Variants in KMT2E observed in about 807,000 individuals in gnomAD.
KMT2E encodes lysine methyltransferase 2E (inactive), also known as histone reader KMT2E.
In KMT2E, 30 loss-of-function variants were observed where a neutral mutation model predicts 184.6. That is an observed-to-expected ratio of 0.16 (90% CI 0.12 to 0.22). The LOEUF is 0.22. KMT2E is among the 10% of genes least tolerant of loss of function. KMT2E has a pLI of 1.00. For missense variants in KMT2E, 2,023 were observed against 2,237.4 expected (o/e 0.90, Z 1.93); for synonymous variants, 815 against 776.5 (o/e 1.05, Z -0.82).
At chr7:105,110,411 T>A in intron 24 of KMT2E, 43 bp downstream of exon 24, 1 of 1,613,826 alleles carries the variant, frequency 6.2e-7, no homozygotes, top group Non-Finnish European at 8.5e-7. Context: ...AATCAGTTAA[T>A]CACTCTGCAT....
Position 105,113,457 on chromosome 7 carries a change from T to C in KMT2E, c.*124T>C. The C allele has an allele frequency of 9.3e-7, 1 of 1,079,208 alleles. No individual in the cohort carries two copies. Among genetic ancestry groups the C allele is most frequent in the Non-Finnish European group, 1.3e-6 (1 of 786,974 alleles). The allele number at this position is 1,079,208 out of a possible 1,614,324, so 66.9% of individuals were successfully genotyped here. Reference sequence around the variant, plus strand: ...TTGTATAAAAAACACCAGTGCTCTTTCGTTGTATTTTTCTCATTTTTGCTT... The same window carrying C: ...TTGTATAAAAAACACCAGTGCTCTTCCGTTGTATTTTTCTCATTTTTGCTT... On this transcript the variant is annotated 3_prime_UTR_variant, in exon 27 of 27. Transcript: ENST00000311117.
At chr7:105,060,354 C>T (rs1562898572) in intron 3 of KMT2E, among the ~76,000 whole-genome samples, 2 of 151,884 alleles carry the variant, frequency 1.3e-5, no homozygotes, top group East Asian at 3.9e-4. Flanking sequence ...ATGGTGGTCC[C>T]ATAAGATTAT....
At chr7:105,026,986 A>G (rs1333243975) in intron 1 of KMT2E, among the ~76,000 whole-genome samples, 1 of 152,052 alleles carries the variant, frequency 6.6e-6, no homozygotes, top group African/African-American at 2.4e-5. Context: ...TCATGCTTAA[A>G]TGGTTTTTAT....
intron 1 of KMT2E, among the ~76,000 whole-genome samples, chr7:105,036,169 C>A (rs556596161): frequency 7.1e-6 from 1 of 141,492 alleles, no homozygotes; most frequent in Non-Finnish European, 1.5e-5. Flanking sequence ...TGTTGTTGTT[C>A]TTTTGGTTTT....
chr7:105,098,780 A>G (rs930826610), intron 15 of KMT2E, among the ~76,000 whole-genome samples: 68 of 152,150 alleles, frequency 4.5e-4, no homozygotes, highest in African/African-American at 1.6e-3. Context: ...GGAAATTACA[A>G]TGCTTGGTAT....
rs141451095 is a variant in KMT2E at position 105,031,764 on chromosome 7, A to T, written c.-188-6362A>T. On this transcript the variant is annotated intron_variant, in intron 1 of 26. Coordinates refer to ENST00000311117, the MANE Select transcript of KMT2E (RefSeq NM_182931.3). ...GAAACTGTCTCAAAAATAAATAAAT[A>T]AATTAAATAAATAAATAAATAAAGG... Among the ~76,000 whole-genome samples, 454 of 146,742 alleles carry T rather than the reference A, an allele frequency of 3.1e-3. 2 individuals are homozygous for T. The highest frequency in any genetic ancestry group is 9.6e-3 in the African/African-American group (381 of 39,612).
intron 19 of KMT2E, 75 bp from the exon 20 acceptor site, chr7:105,106,447 C>T (rs62486627): frequency 1.5e-6 from 2 of 1,340,660 alleles, no homozygotes; most frequent in South Asian, 2.5e-5. Context: ...TTTTATCTTT[C>T]CCAGAATGTG....
At chr7:105,084,080 A>G (rs771452660) in intron 13 of KMT2E, among the ~76,000 whole-genome samples, 1 of 152,222 alleles carries the variant, frequency 6.6e-6, no homozygotes, top group African/African-American at 2.4e-5. Flanking sequence ...CAAAAAGTGC[A>G]TGGTTTTCAC....
chr7:105,083,342 G>A lies in KMT2E; in HGVS notation c.1358+1545G>A, dbSNP rs189628950. 4.3e-4 allele frequency among the ~76,000 whole-genome samples: 66 copies of A among 152,300 alleles called. 2 individuals are homozygous for A. In the East Asian group the frequency reaches 7.9e-3, roughly 18 times the overall value. ...ATTATCACTCCTTGATTTAGAGGCT[G>A]AATTAGAGACACTTTGATGCCCTCA... On this transcript the variant is annotated intron_variant, in intron 13 of 26. Coordinates refer to ENST00000311117, the MANE Select transcript of KMT2E (RefSeq NM_182931.3).
intron 3 of KMT2E, among the ~76,000 whole-genome samples, chr7:105,049,765 G>A (rs939554539): frequency 2.0e-5 from 3 of 151,822 alleles, no homozygotes; most frequent in Non-Finnish European, 2.9e-5. Context: ...AGTGGCGGGC[G>A]CCTGTAATCC....
chr7:105,039,970 A>G (rs1795810437), intron 2 of KMT2E, among the ~76,000 whole-genome samples: 1 of 152,086 alleles, frequency 6.6e-6, no homozygotes, highest in Admixed American at 6.6e-5. Flanking sequence ...GAAGCTAAGT[A>G]TCTTTTAGTT....
chr7:105,072,811 A>G (rs1797376062), intron 6 of KMT2E, among the ~76,000 whole-genome samples: 1 of 152,106 alleles, frequency 6.6e-6, no homozygotes, highest in Admixed American at 6.5e-5. Flanking sequence ...GCTACTTGGG[A>G]GGCTGAGGCA....
intron 24 of KMT2E, 33 bp from the exon 25 acceptor site, chr7:105,110,444 G>A (rs1043528314): frequency 1.2e-6 from 2 of 1,613,966 alleles, no homozygotes; most frequent in African/African-American, 1.3e-5. Flanking sequence ...CAGCTCTAAT[G>A]TTCTCTTTGG....
At chr7:105,015,433 C>G (rs1160506142) in intron 1 of KMT2E, among the ~76,000 whole-genome samples, 1 of 152,156 alleles carries the variant, frequency 6.6e-6, no homozygotes, top group Non-Finnish European at 1.5e-5. Context: ...AAAGAGGAAT[C>G]GCTAGAGTTA....
intron 15 of KMT2E, among the ~76,000 whole-genome samples, chr7:105,100,264 T>TAAC (rs896992999): frequency 2.0e-5 from 3 of 152,150 alleles, no homozygotes; most frequent in African/African-American, 4.8e-5. Context: ...TTGCTGAGTG[T>TAAC]AACAACAACA....
At chr7:105,045,369 T>G (rs574652693) in intron 3 of KMT2E, among the ~76,000 whole-genome samples, 20 of 152,360 alleles carry the variant, frequency 1.3e-4, no homozygotes, top group African/African-American at 4.1e-4. Flanking sequence ...GTAAGTACAT[T>G]CACAGTGTTG....
chr7:105,031,729 G>C (rs1795427285), intron 1 of KMT2E, among the ~76,000 whole-genome samples: 1 of 151,356 alleles, frequency 6.6e-6, no homozygotes, highest in African/African-American at 2.4e-5. Flanking sequence ...TCCAGCCTGG[G>C]TGACAGAGTG....
intron 1 of KMT2E, among the ~76,000 whole-genome samples, chr7:105,036,299 A>G (rs1795656420): frequency 1.3e-5 from 2 of 151,488 alleles, no homozygotes; most frequent in Non-Finnish European, 2.9e-5. Flanking sequence ...CAGCCTCCCA[A>G]GTAGATGGGA....
intron 13 of KMT2E, among the ~76,000 whole-genome samples, chr7:105,084,590 G>A (rs1188277824): frequency 6.6e-6 from 1 of 151,008 alleles, no homozygotes; most frequent in East Asian, 1.9e-4. Flanking sequence ...TCGGACCACT[G>A]CACTCCAGCC....
Sources: gnomAD v4.1 joint callset for allele counts (sites outside exome capture counted in the v4.1 genomes callset) on GRCh38, gnomAD v4.1.1 for gene constraint, MANE v1.5 for transcripts, NCBI Gene and HGNC (gene_info 2026-07-23, HGNC 2026-07-21) for gene names.